CASK: variants seen among roughly 807,000 people sequenced by gnomAD.
CASK encodes the protein peripheral plasma membrane protein CASK.
A neutral mutation model predicts 82.9 loss-of-function variants in CASK; 4 were observed. The ratio of observed to expected loss-of-function variants is 0.05; its 90% CI spans 0.02 to 0.11. The LOEUF is 0.11. Ranked by LOEUF, CASK falls within the 10% of genes least tolerant of loss-of-function variation. CASK has a pLI of 1.00. For synonymous variants in CASK, 259 were observed against 253.5 expected, an observed-to-expected ratio of 1.02 and a Z score of -0.20; for missense variants, 358 against 720.9, an observed-to-expected ratio of 0.50 and a Z score of 5.76.
chrX:41,656,258 C>T (rs2066938084), intron 8 of CASK, among the ~76,000 whole-genome samples: 1 of 111,885 alleles, frequency 8.9e-6, no homozygotes, highest in Non-Finnish European at 1.9e-5. Flanking sequence ...CAGACACTGC[C>T]CATGGCTGTG....
intron 5 of CASK, among the ~76,000 whole-genome samples, chrX:41,714,684 A>G (rs1011899632): frequency 9.0e-6 from 1 of 111,469 alleles, no homozygotes; most frequent in Non-Finnish European, 1.9e-5. Flanking sequence ...TGCAGTAGAG[A>G]ATTTCCACTT....
chrX:41,894,689 T>A (rs2072242498), intron 1 of CASK, among the ~76,000 whole-genome samples: 1 of 107,523 alleles, frequency 9.3e-6, no homozygotes, highest in African/African-American at 3.4e-5. Context: ...CAATTCCAAG[T>A]TCAAAGTCAT....
At position 41,589,517 on chromosome X, in the gene CASK, C is replaced by T; in HGVS notation, c.1231G>A (p.Glu411Lys). 8.4e-7 allele frequency: 1 copy of T among 1,184,452 alleles called. No individual in the cohort carries two copies. Among genetic ancestry groups the T allele is most frequent in the Non-Finnish European group, 1.1e-6 (1 of 870,918 alleles). Residue 411 changes from glutamate (E) to lysine (K), a missense_variant and splice_region_variant, in exon 13 of 27, where the codon GAG becomes AAG. By Grantham distance (56) the Glu-to-Lys change is moderately conservative. This residue lies in a region of CASK where 110 missense variants were observed against 218.8 expected (regional missense o/e 0.50). Coordinates refer to ENST00000378163, the MANE Select transcript of CASK (RefSeq NM_001367721.1). ...CTTCTATAAAATATATCACTTACCT[C>T]TTTGGCTCTCTGTACTGCATCGCTT... ...PPSDAVQRAK[E>K]VLEEISCYPE...
intron 5 of CASK, among the ~76,000 whole-genome samples, chrX:41,672,123 C>A (rs1363605092): frequency 9.0e-6 from 1 of 110,914 alleles, no homozygotes; most frequent in Non-Finnish European, 1.9e-5. Context: ...TCTTCCTGGG[C>A]ATGTCTTCTC....
rs962566617 is a variant in CASK, at chrX:41,532,081, G to A, written c.2318-872C>T. On this transcript the variant is annotated intron_variant, in intron 24 of 26. Coordinates refer to ENST00000378163, the MANE Select transcript of CASK (RefSeq NM_001367721.1). ...CTCCTGAGCAGCTGGGATTATAGGC[G>A]TGTACCACCATGCCCAGCTATTTTT... is the stretch of plus-strand genomic sequence containing the variant. Among the ~76,000 whole-genome samples, 6 of 111,474 alleles carry A rather than the reference G, an allele frequency of 5.4e-5. No individual in the cohort carries two copies. The East Asian group carries it at 1.7e-3, about 31-fold the overall frequency.
intron 2 of CASK, among the ~76,000 whole-genome samples, chrX:41,799,865 C>T (rs2069954752): frequency 9.5e-6 from 1 of 105,686 alleles, no homozygotes; most frequent in Non-Finnish European, 1.9e-5. Flanking sequence ...AAGGGCAGAT[C>T]CGCCCCTTGA....
chrX:41,752,613 A>G (rs2068818020), intron 3 of CASK, among the ~76,000 whole-genome samples: 1 of 111,698 alleles, frequency 9.0e-6, no homozygotes, highest in Non-Finnish European at 1.9e-5. Flanking sequence ...AACAATGATA[A>G]TGAAAAGAGT....
At chrX:41,583,177 T>C (rs1400828703) in intron 14 of CASK, among the ~76,000 whole-genome samples, 1 of 112,204 alleles carries the variant, frequency 8.9e-6, no homozygotes, top group East Asian at 2.8e-4. Context: ...TGTTTACTAA[T>C]AGCAATGCAC....
intron 8 of CASK, among the ~76,000 whole-genome samples, chrX:41,656,739 T>A (rs934484759): frequency 1.8e-5 from 2 of 110,272 alleles, no homozygotes; most frequent in Admixed American, 1.9e-4. Flanking sequence ...AGGGGGGTGG[T>A]AGAGGATGCT....
Position 41,739,762 on chromosome X carries a change from T to G in CASK, c.357-306A>C, listed in dbSNP as rs2255067. Among the ~76,000 whole-genome samples the G allele has an allele frequency of 0.16, 18,288 of 111,863 alleles. 1,448 individuals are homozygous for G. Among genetic ancestry groups the G allele is most frequent in the Middle Eastern group, 0.29 (63 of 215 alleles). ...AAAATTCAAGCTTAAAACATGACAA[T>G]TTTTTTCCCCAATACTCAGGTAATT... On this transcript the variant is annotated intron_variant, in intron 4 of 26. Transcript: ENST00000378163.
intron 2 of CASK, among the ~76,000 whole-genome samples, chrX:41,806,243 T>C (rs1035377519): frequency 8.9e-6 from 1 of 112,062 alleles, no homozygotes; most frequent in African/African-American, 3.2e-5. Flanking sequence ...TATTTAGAAA[T>C]AGCATACATT....
At chrX:41,878,510 C>T (rs2071878085) in intron 1 of CASK, among the ~76,000 whole-genome samples, 1 of 110,046 alleles carries the variant, frequency 9.1e-6, no homozygotes. Context: ...GTATTTTTTG[C>T]AAAGCAAGCT....
At chrX:41,662,364 A>G (rs1021106164) in intron 7 of CASK, among the ~76,000 whole-genome samples, 5 of 111,688 alleles carry the variant, frequency 4.5e-5, no homozygotes, top group Non-Finnish European at 9.4e-5. Flanking sequence ...ATGTGGTCTC[A>G]CATTTGCAAC....
In CASK at chrX:41,683,951, G is replaced by C. The variant is rs771867651; in HGVS notation, c.430-12421C>G. Reference sequence around the variant, plus strand: ...CCACTAGGTATGCCCGGTCAAAATAGCATTTTACTACTGGGTAAAGAATCC... The same window carrying C: ...CCACTAGGTATGCCCGGTCAAAATACCATTTTACTACTGGGTAAAGAATCC... On this transcript the variant is annotated intron_variant, in intron 5 of 26. Coordinates refer to ENST00000378163, the MANE Select transcript of CASK (RefSeq NM_001367721.1). 6.3e-5 allele frequency among the ~76,000 whole-genome samples: 7 copies of C among 111,790 alleles called. No individual in the cohort carries two copies. In the East Asian group the frequency reaches 1.9e-3, roughly 31 times the overall value.
In CASK at chrX:41,546,701, C is replaced by T. The variant is rs1288276779; in HGVS notation, c.2040-3895G>A. On this transcript the variant is annotated intron_variant, in intron 21 of 26. Transcript: ENST00000378163. Reference sequence around the variant, plus strand: ...CCATGTTGGCCAGGCTGGTCTTGAACTCCTGGCCTCAAGTGATCCGCCCAC... The same window carrying T: ...CCATGTTGGCCAGGCTGGTCTTGAATTCCTGGCCTCAAGTGATCCGCCCAC... Among the ~76,000 whole-genome samples, 11 of 110,648 alleles carry T rather than the reference C, an allele frequency of 9.9e-5. No homozygotes were observed. In the Middle Eastern group the frequency reaches 0.014, roughly 139 times the overall value.
intron 11 of CASK, among the ~76,000 whole-genome samples, chrX:41,612,659 G>A (rs1332719773): frequency 4.3e-5 from 4 of 92,921 alleles, no homozygotes; most frequent in Admixed American, 1.1e-4. Flanking sequence ...GAGGTGGGGG[G>A]GTCAGACCCC....
intron 2 of CASK, among the ~76,000 whole-genome samples, chrX:41,817,877 T>A (rs2070444395): frequency 9.0e-6 from 1 of 111,192 alleles, no homozygotes; most frequent in Non-Finnish European, 1.9e-5. Context: ...CTGAGAGATA[T>A]ATGAGAGATA....
At position 41,739,360 on chromosome X, in the gene CASK, A is replaced by G. The variant is rs1205631955; in HGVS notation, c.429+24T>C. On this transcript the variant is annotated intron_variant, in intron 5 of 26. Coordinates refer to ENST00000378163, the MANE Select transcript of CASK (RefSeq NM_001367721.1). ...ATCAGTATTTCTTCACAAACATTAA[A>G]GTTAGTGATAACAAATGACTTACCT... The G allele has an allele frequency of 5.3e-6, 5 of 951,954 alleles. No homozygotes were observed. The Admixed American group carries it at 1.1e-4, about 21-fold the overall frequency. The allele number at this position is 951,954 out of a possible 1,213,427, so 78.5% of individuals were successfully genotyped here.
chrX:41,800,746 T>C (rs1460169990), intron 2 of CASK, among the ~76,000 whole-genome samples: 1 of 108,059 alleles, frequency 9.3e-6, no homozygotes, highest in Non-Finnish European at 1.9e-5. Flanking sequence ...AGTGAGAACA[T>C]GCGGTGTTTG....
Sources: allele counts gnomAD v4.1 joint callset (sites outside exome capture counted in the v4.1 genomes callset), GRCh38; gene constraint gnomAD v4.1.1; regional missense constraint gnomAD v4.1.1; transcripts MANE v1.5; gene names NCBI Gene and HGNC (gene_info 2026-07-23, HGNC 2026-07-21).